The following CHST8 variants were observed in gnomAD, a reference collection of about 807,000 sequenced individuals.
CHST8 encodes the protein carbohydrate sulfotransferase 8.
A neutral mutation model predicts 15.0 loss-of-function variants in CHST8; 10 were observed. That is an observed-to-expected ratio of 0.67 (90% CI 0.41 to 1.13). CHST8 has a LOEUF of 1.13. Among genes scored for constraint, CHST8 ranks in the 50% most tolerant of loss-of-function variants. CHST8 has a pLI of 0.00. For synonymous variants in CHST8, 259 were observed against 256.6 expected, an observed-to-expected ratio of 1.01 and a Z score of -0.09; for missense variants, 634 against 608.2, an observed-to-expected ratio of 1.04 and a Z score of -0.45.
At chr19:33,736,457 T>C (rs1974085368) in intron 3 of CHST8, among the ~76,000 whole-genome samples, 1 of 152,016 alleles carries the variant, frequency 6.6e-6, no homozygotes, top group African/African-American at 2.4e-5. Flanking sequence ...CGGGGAATAG[T>C]GAACTCACTT....
rs55695414 is a variant in CHST8 at position 33,695,821 on chromosome 19, CTTT to C, written c.130+6449_130+6451del. On this transcript the variant is annotated intron_variant, in intron 3 of 4. Coordinates refer to ENST00000650847, the MANE Select transcript of CHST8 (RefSeq NM_001127895.2). ...TTTCTTTTTCTTTCTTTCTTTCTTT[CTTT>C]TTTTTTTTTTTTTTTTTTGAGACAG... is the stretch of plus-strand genomic sequence containing the variant. Among the ~76,000 whole-genome samples, 701 of 76,234 alleles carry C rather than the reference CTTT, an allele frequency of 9.2e-3. 3 individuals carry two copies. Among genetic ancestry groups the C allele is most frequent in the Middle Eastern group, 0.067 (7 of 104 alleles). The allele number at this position is 76,234 out of a possible 152,430, so 50.0% of individuals were successfully genotyped here. A position where few individuals can be genotyped will look rare whatever the true frequency, so the allele number is the denominator to read the frequency against.
At chr19:33,707,954 T>C (rs765699735) in intron 3 of CHST8, among the ~76,000 whole-genome samples, 16 of 152,190 alleles carry the variant, frequency 1.1e-4, no homozygotes, top group Admixed American at 3.9e-4. Context: ...GCTATTCTAG[T>C]GGGTGTGAAG....
rs542227462 is a variant in CHST8 at position 33,629,168 on chromosome 19, C to T, written c.-164+6872C>T. ...CTCCTGACTCATTGAGGATGGGCCT[C>T]CACTGGGGGAATGGAGCTGACCACC... On this transcript the variant is annotated intron_variant, in intron 1 of 4. Transcript: ENST00000650847. 4.5e-4 allele frequency among the ~76,000 whole-genome samples: 69 copies of T among 152,316 alleles called. 1 individual carries two copies. In the South Asian group the frequency reaches 0.013, roughly 29 times the overall value.
intron 1 of CHST8, among the ~76,000 whole-genome samples, chr19:33,661,675 T>A (rs1198647671): frequency 6.6e-6 from 1 of 152,178 alleles, no homozygotes; most frequent in Non-Finnish European, 1.5e-5. Context: ...TGGCTCCCCC[T>A]GAATGGGCAG....
intron 1 of CHST8, among the ~76,000 whole-genome samples, chr19:33,661,341 A>G (rs767744563): frequency 6.6e-6 from 1 of 152,172 alleles, no homozygotes; most frequent in Non-Finnish European, 1.5e-5. Context: ...AAACATCACT[A>G]TGTTATCATT....
chr19:33,736,784 C>T (rs766484428), intron 3 of CHST8, among the ~76,000 whole-genome samples: 6 of 152,134 alleles, frequency 3.9e-5, no homozygotes, highest in Non-Finnish European at 5.9e-5. Context: ...ATGTAGGATG[C>T]AGCCCACAGC....
intron 1 of CHST8, among the ~76,000 whole-genome samples, chr19:33,629,683 G>C (rs1972098506): frequency 6.6e-6 from 1 of 152,260 alleles, no homozygotes; most frequent in Non-Finnish European, 1.5e-5. Flanking sequence ...GCAGGCAACA[G>C]CCCAGGTCGC....
chr19:33,759,513 C>T (rs1434673115), intron 3 of CHST8, among the ~76,000 whole-genome samples: 2 of 152,184 alleles, frequency 1.3e-5, no homozygotes, highest in Admixed American at 6.5e-5. Context: ...CTCTACCCCT[C>T]TTTCCCTGAG....
At position 33,628,581 on chromosome 19, in the gene CHST8, C is replaced by T. The variant is rs1972086314; in HGVS notation, c.-164+6285C>T. Among the ~76,000 whole-genome samples the T allele has an allele frequency of 2.0e-5, 3 of 152,192 alleles. No homozygotes were observed. In the South Asian group the frequency reaches 6.2e-4, roughly 32 times the overall value. On this transcript the variant is annotated intron_variant, in intron 1 of 4. Transcript: ENST00000650847. Reference sequence around the variant, plus strand: ...CCAGTGTGTGATGTAGGCAGTGCATCTACGCTGGTTGAAACTAGTGGGCGG... The same window carrying T: ...CCAGTGTGTGATGTAGGCAGTGCATTTACGCTGGTTGAAACTAGTGGGCGG...
At chr19:33,725,196 C>T (rs1010595576) in intron 3 of CHST8, among the ~76,000 whole-genome samples, 5 of 152,164 alleles carry the variant, frequency 3.3e-5, no homozygotes, top group South Asian at 4.2e-4. Context: ...TCTATGTCTG[C>T]GCGTCACAAA....
chr19:33,711,616 A>T (rs1973551799), intron 3 of CHST8, among the ~76,000 whole-genome samples: 1 of 152,212 alleles, frequency 6.6e-6, no homozygotes, highest in Non-Finnish European at 1.5e-5. Flanking sequence ...AATTGTAGGA[A>T]CATTGTTAAG....
intron 1 of CHST8, among the ~76,000 whole-genome samples, chr19:33,636,676 G>A (rs1205602134): frequency 1.3e-5 from 2 of 152,142 alleles, no homozygotes; most frequent in Non-Finnish European, 2.9e-5. Flanking sequence ...CAAGGCGGGC[G>A]GATCACCTGA....
intron 1 of CHST8, among the ~76,000 whole-genome samples, chr19:33,650,122 G>C (rs1176517348): frequency 6.6e-6 from 1 of 152,140 alleles, no homozygotes; most frequent in Non-Finnish European, 1.5e-5. Context: ...GTCAGTTGTT[G>C]TGTCTAAACC....
chr19:33,741,614 C>T (rs1304144656), intron 3 of CHST8, among the ~76,000 whole-genome samples: 2 of 151,928 alleles, frequency 1.3e-5, no homozygotes, highest in African/African-American at 4.8e-5. Flanking sequence ...ACTTGCGTGT[C>T]TTTTGTAGGA....
chr19:33,690,371 G>A (rs958645307), intron 3 of CHST8, among the ~76,000 whole-genome samples: 5 of 152,112 alleles, frequency 3.3e-5, no homozygotes, highest in East Asian at 1.9e-4. Context: ...AATCCCTGCC[G>A]GAAGCCCAGA....
intron 1 of CHST8, among the ~76,000 whole-genome samples, chr19:33,647,519 C>T (rs1972369349): frequency 6.6e-6 from 1 of 152,102 alleles, no homozygotes; most frequent in Non-Finnish European, 1.5e-5. Flanking sequence ...ATAGGGATAA[C>T]TCAAGGTGTT....
At chr19:33,743,308 T>C (rs1374045180) in intron 3 of CHST8, among the ~76,000 whole-genome samples, 1 of 148,050 alleles carries the variant, frequency 6.8e-6, no homozygotes, top group African/African-American at 2.5e-5. Flanking sequence ...TTTTTTTTTT[T>C]TTTTTTTTTT....
intron 2 of CHST8, among the ~76,000 whole-genome samples, chr19:33,668,414 A>G (rs1214664808): frequency 6.6e-6 from 1 of 152,094 alleles, no homozygotes; most frequent in Non-Finnish European, 1.5e-5. Context: ...TTGTCCAAAG[A>G]TGTGTCAAAT....
At chr19:33,705,856 C>T (rs959360859) in intron 3 of CHST8, among the ~76,000 whole-genome samples, 5 of 152,070 alleles carry the variant, frequency 3.3e-5, no homozygotes, top group African/African-American at 1.2e-4. Context: ...GGAGAGGGAC[C>T]CAAGAGTCCT....
Sources: allele counts gnomAD v4.1 joint callset (sites outside exome capture counted in the v4.1 genomes callset), GRCh38; gene constraint gnomAD v4.1.1; transcripts MANE v1.5; gene names NCBI Gene and HGNC (gene_info 2026-07-23, HGNC 2026-07-21).